The following ATF7IP2 variants were observed in gnomAD, a reference collection of about 807,000 sequenced individuals.
ATF7IP2 encodes activating transcription factor 7-interacting protein 2.
A neutral mutation model predicts 64.2 loss-of-function variants in ATF7IP2; 42 were observed. The ratio of observed to expected loss-of-function variants is 0.65; its 90% CI spans 0.51 to 0.85. The LOEUF is 0.85. Among genes scored for constraint, ATF7IP2 ranks in the 40% least tolerant of loss-of-function variants. The pLI, the probability that ATF7IP2 is intolerant of heterozygous loss-of-function variation, is 0.00. For synonymous variants in ATF7IP2, 308 were observed against 272.8 expected (o/e 1.13, Z -1.27); for missense variants, 933 against 784.2 (o/e 1.19, Z -2.27).
At chr16:10,441,844 C>T (rs1232479545) in intron 8 of ATF7IP2, among the ~76,000 whole-genome samples, 2 of 152,060 alleles carry the variant, frequency 1.3e-5, no homozygotes, top group African/African-American at 4.8e-5. Flanking sequence ...TATGTTATTG[C>T]CTATGTTAGA....
At chr16:10,397,867 A>AT (rs1214596367) in intron 1 of ATF7IP2, among the ~76,000 whole-genome samples, 2 of 152,074 alleles carry the variant, frequency 1.3e-5, no homozygotes, top group Non-Finnish European at 2.9e-5. Context: ...CAAAAAAAAA[A>AT]AAAAAAGGCA....
At chr16:10,435,376 GT>G (rs1329634498) in intron 6 of ATF7IP2, among the ~76,000 whole-genome samples, 1 of 152,184 alleles carries the variant, frequency 6.6e-6, no homozygotes, top group Admixed American at 6.5e-5. Context: ...ATCTCAGAAA[GT>G]TGGCACAGAT....
At position 10,466,105 on chromosome 16, in the gene ATF7IP2, A is replaced by T. The variant is rs544668957; in HGVS notation, c.1353-6005A>T. On this transcript the variant is annotated intron_variant, in intron 9 of 13. Transcript: ENST00000562102. The stretch of plus-strand genomic sequence containing the variant: ...TTATTTTTGCCTTTATAGAAATGGA[A>T]TCATACTCAGTGAGCTCTTTTATGT... Among the ~76,000 whole-genome samples the T allele has an allele frequency of 5.9e-5, 9 of 152,308 alleles. No individual in the cohort carries two copies. In the South Asian group the frequency reaches 1.9e-3, roughly 32 times the overall value.
intron 6 of ATF7IP2, among the ~76,000 whole-genome samples, chr16:10,434,125 C>T (rs1400090066): frequency 1.3e-5 from 2 of 152,202 alleles, no homozygotes; most frequent in East Asian, 3.9e-4. Context: ...GCCCTATTTT[C>T]CAAACTTAAA....
chr16:10,408,933 G>C (rs2047696961), intron 1 of ATF7IP2, among the ~76,000 whole-genome samples: 2 of 152,190 alleles, frequency 1.3e-5, no homozygotes, highest in South Asian at 4.1e-4. Flanking sequence ...GTCTATGTTG[G>C]AGATAAATGC....
In ATF7IP2 at chr16:10,424,518, G is replaced by A. The variant is rs141106826; in HGVS notation, c.-159-4350G>A. Among the ~76,000 whole-genome samples, 351 of 152,230 alleles carry A rather than the reference G, an allele frequency of 2.3e-3. 3 individuals carry two copies. Among genetic ancestry groups the A allele is most frequent in the African/African-American group, 8.1e-3 (337 of 41,536 alleles). On this transcript the variant is annotated intron_variant, in intron 3 of 13. Coordinates refer to ENST00000562102, the MANE Select transcript of ATF7IP2 (RefSeq NM_001393719.1). ...TTATGCTTTATGAAAATTTTACACT[G>A]TTTTCAAAGCATACCATCAAGGAAT...
rs543447050 is a variant in ATF7IP2, at chr16:10,397,175, C to T, written c.-242+11053C>T. ...TATTTCTGAGTTCTCTATTCTGTTC[C>T]ATTGGTTATGTGTCTGTTTTTATCC... On this transcript the variant is annotated intron_variant, in intron 1 of 13. Transcript: ENST00000562102. 6.4e-4 allele frequency among the ~76,000 whole-genome samples: 97 copies of T among 152,212 alleles called. 1 individual carries two copies. The highest frequency in any genetic ancestry group is 2.1e-3 in the African/African-American group (87 of 41,530).
chr16:10,470,239 C>T (rs1428475967), intron 9 of ATF7IP2, among the ~76,000 whole-genome samples: 1 of 152,036 alleles, frequency 6.6e-6, no homozygotes, highest in Non-Finnish European at 1.5e-5. Flanking sequence ...TATACACACA[C>T]ACAAGCAAGA....
chr16:10,430,953 A>G lies in ATF7IP2; in HGVS notation c.333A>G (p.Gln111=). The G allele has an allele frequency of 1.2e-6, 2 of 1,614,128 alleles. No individual in the cohort carries two copies. The highest frequency in any genetic ancestry group is 1.7e-6 in the Non-Finnish European group (2 of 1,180,016). ...TTCATTCAGAAACAAAATTGGAACA[A>G]GTTGTTTGTTCGTACCAAAAGCCAA... ...EIVHSETKLE[Q]VVCSYQKPSR... Residue 111 remains glutamine, a synonymous_variant, in exon 5 of 14, where the codon CAA becomes CAG. Coordinates refer to ENST00000562102, the MANE Select transcript of ATF7IP2 (RefSeq NM_001393719.1).
intron 1 of ATF7IP2, among the ~76,000 whole-genome samples, chr16:10,408,754 T>C (rs907561735): frequency 2.0e-5 from 3 of 152,246 alleles, no homozygotes; most frequent in African/African-American, 7.2e-5. Flanking sequence ...TTGTTGGATG[T>C]ATAGGTTATA....
intron 7 of ATF7IP2, among the ~76,000 whole-genome samples, chr16:10,439,112 G>A (rs1596515500): frequency 6.7e-6 from 1 of 149,892 alleles, no homozygotes; most frequent in East Asian, 2.0e-4. Context: ...ATTAGAACTT[G>A]TACAACCTGT....
At chr16:10,418,714 G>C (rs1333799183) in intron 2 of ATF7IP2, among the ~76,000 whole-genome samples, 3 of 152,220 alleles carry the variant, frequency 2.0e-5, no homozygotes, top group African/African-American at 7.2e-5. Flanking sequence ...CCAACGACAA[G>C]TTTGTAGAGT....
chr16:10,440,095 G>C (rs2048562151), intron 7 of ATF7IP2, among the ~76,000 whole-genome samples: 1 of 152,040 alleles, frequency 6.6e-6, no homozygotes, highest in Non-Finnish European at 1.5e-5. Context: ...GGGAGGCAGA[G>C]GTTGCAGTGA....
Position 10,440,446 on chromosome 16 carries a change from G to A in ATF7IP2, c.1178G>A (p.Ser393Asn). 6.5e-7 allele frequency: 1 copy of A among 1,542,444 alleles called. No homozygotes were observed. Among genetic ancestry groups the A allele is most frequent in the South Asian group, 1.2e-5 (1 of 82,910 alleles). ...TGTTTGAAACCAAACATGTTATCCAGTAATGGAGCCTCTAAGGTTTGTATA... is the reference window on the plus strand; with the variant it reads ...TGTTTGAAACCAAACATGTTATCCAATAATGGAGCCTCTAAGGTTTGTATA... ...RNCLKPNMLS[S>N]NGASKVANSE... The change falls in exon 8 of 14, where the codon AGT becomes AAT. Residue 393 changes from serine to asparagine, a missense_variant. Physicochemically the swap from Ser to Asn is conservative, Grantham distance 46 (BLOSUM62 1). Coordinates refer to ENST00000562102, the MANE Select transcript of ATF7IP2 (RefSeq NM_001393719.1).
chr16:10,441,074 C>A (rs1483396138), intron 8 of ATF7IP2, among the ~76,000 whole-genome samples: 2 of 152,192 alleles, frequency 1.3e-5, no homozygotes, highest in Non-Finnish European at 2.9e-5. Flanking sequence ...CTGCAAAGGA[C>A]ATGAATTCAT....
At chr16:10,456,632 TTGGG>T (rs1037486136) in intron 8 of ATF7IP2, among the ~76,000 whole-genome samples, 12 of 152,122 alleles carry the variant, frequency 7.9e-5, no homozygotes, top group African/African-American at 2.7e-4. Flanking sequence ...CCCAGTGCCA[TTGGG>T]TGGGAAATTC....
intron 1 of ATF7IP2, among the ~76,000 whole-genome samples, chr16:10,410,836 T>C (rs563596852): frequency 1.6e-4 from 24 of 152,372 alleles, no homozygotes; most frequent in African/African-American, 5.3e-4. Flanking sequence ...TAGTATTATG[T>C]TGGCTGTGGA....
Position 10,430,914 on chromosome 16 carries a change from A to T in ATF7IP2, c.294A>T (p.Pro98=). 6.2e-7 allele frequency: 1 copy of T among 1,614,042 alleles called. No homozygotes were observed. Among genetic ancestry groups the T allele is most frequent in the Non-Finnish European group, 8.5e-7 (1 of 1,180,032 alleles). Reference sequence around the variant, plus strand: ...TATTCTCTCAGAATTGCATAAAACCAGTAGAAGAAATTGTTCATTCAGAAA... The same window carrying T: ...TATTCTCTCAGAATTGCATAAAACCTGTAGAAGAAATTGTTCATTCAGAAA... ...SKVFSQNCIK[P]VEEIVHSETK... is the part of the protein sequence containing the mutation. The change falls in exon 5 of 14, where the codon CCA becomes CCT. Residue 98 remains proline, a synonymous_variant. Coordinates refer to ENST00000562102, the MANE Select transcript of ATF7IP2 (RefSeq NM_001393719.1).
At chr16:10,440,642 G>T (rs1371605660) in intron 8 of ATF7IP2, among the ~76,000 whole-genome samples, 180 bp downstream of exon 8, 1 of 152,212 alleles carries the variant, frequency 6.6e-6, no homozygotes, top group Non-Finnish European at 1.5e-5. Flanking sequence ...CATGCCACTT[G>T]TATTTCTGTA....
Sources: allele counts gnomAD v4.1 joint callset (sites outside exome capture counted in the v4.1 genomes callset), GRCh38; gene constraint gnomAD v4.1.1; transcripts MANE v1.5; gene names NCBI Gene and HGNC (gene_info 2026-07-23, HGNC 2026-07-21).